The following PIP5K1A variants were observed in gnomAD, a reference collection of about 807,000 sequenced individuals.
PIP5K1A encodes phosphatidylinositol-4-phosphate 5-kinase type 1 alpha.
A neutral mutation model predicts 72.9 loss-of-function variants in PIP5K1A; 46 were observed. That is an observed-to-expected ratio of 0.63 (90% CI 0.50 to 0.81). PIP5K1A has a LOEUF of 0.81. Ranked by LOEUF, PIP5K1A falls within the 30% of genes least tolerant of loss-of-function variation. PIP5K1A has a pLI of 0.00. For missense variants in PIP5K1A, 458 were observed against 706.1 expected, an observed-to-expected ratio of 0.65 and a Z score of 3.98; for synonymous variants, 228 against 255.1, an observed-to-expected ratio of 0.89 and a Z score of 1.01.
intron 9 of PIP5K1A, 71 bp downstream of exon 9, chr1:151,236,834 T>TTC: frequency 9.1e-7 from 1 of 1,095,324 alleles, no homozygotes; most frequent in Non-Finnish European, 1.3e-6. Context: ...TTTTTTTTTT[T>TTC]TTTTTTTTTA....
chr1:151,249,004 C>G lies in PIP5K1A; in HGVS notation c.*1139C>G, dbSNP rs587630460. The G allele has an allele frequency of 1.3e-5, 2 of 152,214 alleles. No individual in the cohort carries two copies. The highest frequency in any genetic ancestry group is 4.8e-5 in the African/African-American group (2 of 41,428). The allele number at this position is 152,214 out of a possible 1,614,324, so 9.4% of individuals were successfully genotyped here. ...ATTGCTGTGCCATATGTCCTACCCC[C>G]CTGTCTTCATGCAGGGAAGTTGGAA... On this transcript the variant is annotated 3_prime_UTR_variant, in exon 16 of 16. Coordinates refer to ENST00000368888, the MANE Select transcript of PIP5K1A (RefSeq NM_001135638.2).
chr1:151,195,611 C>T (rs190182711), upstream of PIP5K1A, among the ~76,000 whole-genome samples: 2 of 151,716 alleles, frequency 1.3e-5, no homozygotes, highest in South Asian at 2.1e-4. Flanking sequence ...ATTAGCTGGG[C>T]GTGGTGGTGC....
chr1:151,229,858 T>C (rs1480964246), intron 4 of PIP5K1A, among the ~76,000 whole-genome samples: 1 of 150,780 alleles, frequency 6.6e-6, no homozygotes, highest in Non-Finnish European at 1.5e-5. Flanking sequence ...CCGAGGCAGG[T>C]GGATAACGAG....
At chr1:151,219,936 C>G (rs1452124750) in intron 1 of PIP5K1A, among the ~76,000 whole-genome samples, 1 of 149,108 alleles carries the variant, frequency 6.7e-6, no homozygotes, top group Non-Finnish European at 1.5e-5. Flanking sequence ...ATTAATCTTC[C>G]CATCTTGGCC....
At chr1:151,217,772 A>AT (rs201464508) in intron 1 of PIP5K1A, among the ~76,000 whole-genome samples, 172 of 147,114 alleles carry the variant, frequency 1.2e-3, no homozygotes, top group Admixed American at 7.7e-3. Context: ...TTTTCTTTTC[A>AT]TTTTTTTTTT....
rs184252716 is a variant in PIP5K1A at position 151,214,219 on chromosome 1, T to C, written c.86-10026T>C. On this transcript the variant is annotated intron_variant, in intron 1 of 15. Coordinates refer to ENST00000368888, the MANE Select transcript of PIP5K1A (RefSeq NM_001135638.2). Reference sequence around the variant, plus strand: ...AATGGGATCTATGCAATTATAGTTATATATACACTGCTGTAATCCTTGTAT... The same window carrying C: ...AATGGGATCTATGCAATTATAGTTACATATACACTGCTGTAATCCTTGTAT... Among the ~76,000 whole-genome samples the C allele has an allele frequency of 2.6e-5, 4 of 152,336 alleles. No individual in the cohort carries two copies. The South Asian group carries it at 6.2e-4, about 24-fold the overall frequency.
intron 3 of PIP5K1A, 94 bp from the exon 4 acceptor site, chr1:151,227,226 T>G: frequency 1.4e-6 from 1 of 737,648 alleles, no homozygotes; most frequent in Non-Finnish European, 2.4e-6. Context: ...AGAAAGAATA[T>G]GTTGTTTCAG....
At chr1:151,195,883 G>GGTTTT (rs1558218879), upstream of PIP5K1A, among the ~76,000 whole-genome samples, 2 of 50,332 alleles carry the variant, frequency 4.0e-5, no homozygotes, top group African/African-American at 6.3e-5. Flanking sequence ...AACACCAGCC[G>GGTTTT]ATTTTTTTTT....
At chr1:151,239,276 C>CTT (rs587607391) in intron 11 of PIP5K1A, 98 bp downstream of exon 11, 779 of 604,522 alleles carry the variant, frequency 1.3e-3, no homozygotes, top group South Asian at 2.1e-3. Flanking sequence ...TTTCTTTTTT[C>CTT]TTTTTTTTTT....
At chr1:151,221,606 T>TAAA (rs1443928202) in intron 1 of PIP5K1A, among the ~76,000 whole-genome samples, 1 of 152,202 alleles carries the variant, frequency 6.6e-6, no homozygotes, top group African/African-American at 2.4e-5. Context: ...AAGAGTACAT[T>TAAA]TTAATGTTGT....
In PIP5K1A at chr1:151,239,981, C is replaced by A; in HGVS notation, c.1305C>A (p.Gly435=). 6.2e-7 allele frequency: 1 copy of A among 1,613,112 alleles called. No individual in the cohort carries two copies. Among genetic ancestry groups the A allele is most frequent in the Non-Finnish European group, 8.5e-7 (1 of 1,179,342 alleles). The change falls in exon 12 of 16, where the codon GGC becomes GGA. Residue 435 remains glycine (G), a synonymous_variant. Transcript: ENST00000368888. ...ACACTGTCTCAGTGCATCGCCCAGG[C>A]TTCTACGCTGAACGGTTCCAGCGCT... ...DGDTVSVHRP[G]FYAERFQRFM...
At chr1:151,229,618 C>T (rs933077816) in intron 4 of PIP5K1A, among the ~76,000 whole-genome samples, 39 of 151,540 alleles carry the variant, frequency 2.6e-4, no homozygotes, top group African/African-American at 8.2e-4. Flanking sequence ...GTCTCGGCCT[C>T]CCAAAGTGCT....
At chr1:151,202,932 G>A (rs587766458) in intron 1 of PIP5K1A, among the ~76,000 whole-genome samples, 3 of 150,904 alleles carry the variant, frequency 2.0e-5, no homozygotes, top group Admixed American at 2.0e-4. Context: ...GCCACGTCTG[G>A]CTAATTTTTG....
intron 1 of PIP5K1A, among the ~76,000 whole-genome samples, chr1:151,217,819 G>T (rs1687855507): frequency 6.6e-6 from 1 of 150,844 alleles, no homozygotes; most frequent in Admixed American, 6.6e-5. Flanking sequence ...TTGCTCTGTT[G>T]CCCAGGCTGG....
intron 4 of PIP5K1A, among the ~76,000 whole-genome samples, chr1:151,229,961 G>T (rs187246589): frequency 6.6e-6 from 1 of 152,162 alleles, no homozygotes; most frequent in Admixed American, 6.5e-5. Context: ...GGTGGCTTGC[G>T]CCTGTAGTCC....
intron 9 of PIP5K1A, among the ~76,000 whole-genome samples, chr1:151,237,291 T>C (rs1691029059): frequency 6.6e-6 from 1 of 152,194 alleles, no homozygotes; most frequent in Non-Finnish European, 1.5e-5. Context: ...TTATAGTATA[T>C]GTGGGAAGGA....
chr1:151,236,831 TTTTTTTTTTTTTA>T, intron 9 of PIP5K1A, 68 bp downstream of exon 9: 2 of 1,087,442 alleles, frequency 1.8e-6, no homozygotes, highest in South Asian at 3.2e-5. Context: ...CTTTTTTTTT[TTTTTTTTTTTTTA>T]GTTTCACTCT....
chr1:151,246,902 T>A lies in PIP5K1A; in HGVS notation c.1641-18T>A. On this transcript the variant is annotated intron_variant, in intron 14 of 15. Coordinates refer to ENST00000368888, the MANE Select transcript of PIP5K1A (RefSeq NM_001135638.2). ...CTAATTCTTTTTCTCTCTGCTTCCATTTTTTTTCTCCTGTTAGTACAACCT... is the reference window on the plus strand; with the variant it reads ...CTAATTCTTTTTCTCTCTGCTTCCAATTTTTTTCTCCTGTTAGTACAACCT... 1 of 1,588,336 alleles carries A rather than the reference T, an allele frequency of 6.3e-7. No individual in the cohort carries two copies. Among genetic ancestry groups the A allele is most frequent in the Non-Finnish European group, 8.6e-7 (1 of 1,158,852 alleles).
At chr1:151,241,503 A>G (rs587593821) in intron 12 of PIP5K1A, among the ~76,000 whole-genome samples, 1 of 151,602 alleles carries the variant, frequency 6.6e-6, no homozygotes, top group African/African-American at 2.4e-5. Flanking sequence ...GACTCTCGTC[A>G]AAGAAAAAGA....
Sources: allele counts gnomAD v4.1 joint callset (sites outside exome capture counted in the v4.1 genomes callset), GRCh38; gene constraint gnomAD v4.1.1; transcripts MANE v1.5; gene names NCBI Gene and HGNC (gene_info 2026-07-23, HGNC 2026-07-21).